The following PAPSS1 variants were observed in gnomAD, a reference collection of about 807,000 sequenced individuals.
PAPSS1 encodes the protein bifunctional 3'-phosphoadenosine 5'-phosphosulfate synthase 1.
In PAPSS1, 50 loss-of-function variants were observed where a neutral mutation model predicts 72.0. The observed-to-expected ratio is 0.69, with a 90% CI of 0.55 to 0.88. The LOEUF is 0.88. PAPSS1 is among the 40% of genes least tolerant of loss of function. The pLI, the probability that PAPSS1 is intolerant of heterozygous loss-of-function variation, is 0.00. For missense variants in PAPSS1, 657 were observed against 782.2 expected, an observed-to-expected ratio of 0.84 and a Z score of 1.91; for synonymous variants, 261 against 263.6, an observed-to-expected ratio of 0.99 and a Z score of 0.09.
At position 107,627,704 on chromosome 4, in the gene PAPSS1, G is replaced by A. The variant is rs538704351; in HGVS notation, c.1736+3927C>T. ...ACCTTTTGTGGTAAAGCAGTTCAAG[G>A]TTTACTACAATTTCTTTTTATTCTT... On this transcript the variant is annotated intron_variant, in intron 11 of 11. Transcript: ENST00000265174. Among the ~76,000 whole-genome samples the A allele has an allele frequency of 7.9e-5, 12 of 152,140 alleles. No individual in the cohort carries two copies. In the South Asian group the frequency reaches 2.5e-3, roughly 32 times the overall value.
intron 5 of PAPSS1, among the ~76,000 whole-genome samples, chr4:107,669,875 T>C (rs1727425430): frequency 6.6e-6 from 1 of 152,312 alleles, no homozygotes; most frequent in Non-Finnish European, 1.5e-5. Flanking sequence ...CTCACTTAAG[T>C]GTAAGGAGAA....
chr4:107,660,986 C>A (rs1480229010), intron 5 of PAPSS1, among the ~76,000 whole-genome samples: 1 of 151,908 alleles, frequency 6.6e-6, no homozygotes, highest in Non-Finnish European at 1.5e-5. Context: ...CAAAAATATA[C>A]AAAATAAACA....
intron 10 of PAPSS1, among the ~76,000 whole-genome samples, chr4:107,632,788 CT>C (rs1726257086): frequency 6.6e-6 from 1 of 152,104 alleles, no homozygotes; most frequent in Non-Finnish European, 1.5e-5. Flanking sequence ...TTTTAGCTTC[CT>C]TTCAGTGTAA....
chr4:107,624,414 T>C (rs1276493494), intron 11 of PAPSS1, among the ~76,000 whole-genome samples: 2 of 152,200 alleles, frequency 1.3e-5, no homozygotes, highest in Admixed American at 1.3e-4. Flanking sequence ...ATAAGGGCAA[T>C]GACAATATCT....
intron 11 of PAPSS1, among the ~76,000 whole-genome samples, chr4:107,618,129 A>G (rs2110294382): frequency 6.6e-6 from 1 of 152,300 alleles, no homozygotes; most frequent in Admixed American, 6.5e-5. Flanking sequence ...AAACTCACCA[A>G]AAGGCAAAAC....
intron 5 of PAPSS1, among the ~76,000 whole-genome samples, chr4:107,677,838 G>T (rs7377478): frequency 6.6e-6 from 1 of 152,030 alleles, no homozygotes; most frequent in African/African-American, 2.4e-5. Flanking sequence ...CATATACACC[G>T]TGGAATACTA....
chr4:107,713,542 G>A (rs1020362923), intron 1 of PAPSS1, among the ~76,000 whole-genome samples: 1 of 151,976 alleles, frequency 6.6e-6, no homozygotes, highest in African/African-American at 2.4e-5. Flanking sequence ...GGCAGATCAC[G>A]AGGTCAAGAG....
At chr4:107,655,779 G>C (rs901375045) in intron 7 of PAPSS1, among the ~76,000 whole-genome samples, 2 of 152,162 alleles carry the variant, frequency 1.3e-5, no homozygotes, top group Non-Finnish European at 2.9e-5. Flanking sequence ...AGGTAGATTT[G>C]CACCAAGCCC....
At chr4:107,656,207 C>T (rs1727001044) in intron 7 of PAPSS1, among the ~76,000 whole-genome samples, 1 of 152,016 alleles carries the variant, frequency 6.6e-6, no homozygotes, top group Admixed American at 6.6e-5. Context: ...CCTCCACTTC[C>T]TAGGTTCAAG....
intron 5 of PAPSS1, among the ~76,000 whole-genome samples, chr4:107,663,666 A>G (rs968423964): frequency 1.3e-5 from 2 of 152,200 alleles, no homozygotes; most frequent in Admixed American, 6.5e-5. Flanking sequence ...GACTTAACAT[A>G]AAAAGAATAC....
At chr4:107,614,447 AG>A in intron 11 of PAPSS1, 60 bp from the exon 12 acceptor site, 1 of 1,368,780 alleles carries the variant, frequency 7.3e-7, no homozygotes, top group South Asian at 1.3e-5. Flanking sequence ...ATTTTTAAAA[AG>A]CATTTGTTCC....
intron 11 of PAPSS1, among the ~76,000 whole-genome samples, chr4:107,618,300 G>C (rs1039892295): frequency 3.3e-5 from 5 of 150,950 alleles, no homozygotes; most frequent in African/African-American, 4.9e-5. Flanking sequence ...CTTAATAGAA[G>C]AGTTTTAATA....
At chr4:107,669,121 A>G (rs1727399209) in intron 5 of PAPSS1, among the ~76,000 whole-genome samples, 1 of 152,178 alleles carries the variant, frequency 6.6e-6, no homozygotes, top group Non-Finnish European at 1.5e-5. Flanking sequence ...TTGTGATAAC[A>G]ATGAAGTTAA....
At chr4:107,705,272 GAACTGT>G (rs1403574742) in intron 1 of PAPSS1, among the ~76,000 whole-genome samples, 1 of 152,180 alleles carries the variant, frequency 6.6e-6, no homozygotes, top group Non-Finnish European at 1.5e-5. Context: ...ATCTCATCTC[GAACTGT>G]AATCTCCATG....
At chr4:107,635,766 C>T (rs1726360988) in intron 10 of PAPSS1, among the ~76,000 whole-genome samples, 1 of 152,138 alleles carries the variant, frequency 6.6e-6, no homozygotes, top group Admixed American at 6.5e-5. Context: ...GAATAATCTA[C>T]ATGCTGGGAC....
intron 6 of PAPSS1, among the ~76,000 whole-genome samples, chr4:107,659,451 G>A (rs574552450): frequency 3.9e-5 from 6 of 151,992 alleles, no homozygotes; most frequent in Non-Finnish European, 8.8e-5. Flanking sequence ...TCTAAGACTC[G>A]AAAATGATAA....
Position 107,659,953 on chromosome 4 carries a change from A to C in PAPSS1, c.783+6T>G, listed in dbSNP as rs1236609359. 6.7e-7 allele frequency: 1 copy of C among 1,486,802 alleles called. No homozygotes were observed. Among genetic ancestry groups the C allele is most frequent in the Admixed American group, 1.7e-5 (1 of 58,864 alleles). 92.1% of individuals were successfully genotyped at this position (1,486,802 alleles called of 1,614,324 possible). On this transcript the variant is annotated splice_donor_region_variant and intron_variant, in intron 6 of 11. Coordinates refer to ENST00000265174, the MANE Select transcript of PAPSS1 (RefSeq NM_005443.5). Reference sequence around the variant, plus strand: ...CACTTAGTGTGAAAAGCAACGAAGAACTTACTTTATTAATTTTCAGTGCTG... The same window carrying C: ...CACTTAGTGTGAAAAGCAACGAAGACCTTACTTTATTAATTTTCAGTGCTG...
intron 1 of PAPSS1, among the ~76,000 whole-genome samples, chr4:107,710,096 C>G (rs1412429878): frequency 6.6e-6 from 1 of 152,186 alleles, no homozygotes; most frequent in Non-Finnish European, 1.5e-5. Flanking sequence ...CAAATCCTTT[C>G]TATAATTCTG....
chr4:107,666,568 T>C (rs1164382139), intron 5 of PAPSS1, among the ~76,000 whole-genome samples: 2 of 152,192 alleles, frequency 1.3e-5, no homozygotes, highest in Non-Finnish European at 2.9e-5. Flanking sequence ...CTTAACTTTA[T>C]GTAAAGTACC....
Sources: allele counts gnomAD v4.1 joint callset (sites outside exome capture counted in the v4.1 genomes callset), GRCh38; gene constraint gnomAD v4.1.1; transcripts MANE v1.5; gene names NCBI Gene and HGNC (gene_info 2026-07-23, HGNC 2026-07-21).